Variants in SKAP2 observed in about 807,000 individuals in gnomAD.
The protein encoded by SKAP2 is src kinase associated phosphoprotein 2, also known as src kinase-associated phosphoprotein 2.
In SKAP2, 28 loss-of-function variants were observed where a neutral mutation model predicts 54.9. The ratio of observed to expected loss-of-function variants is 0.51; its 90% CI spans 0.38 to 0.70. The LOEUF (loss-of-function observed/expected upper bound fraction) is 0.70, where lower values mean the gene tolerates loss of function less well. Ranked by LOEUF, SKAP2 falls within the 30% of genes least tolerant of loss-of-function variation. SKAP2 has a pLI of 0.00. For synonymous variants in SKAP2, 137 were observed against 134.3 expected (o/e 1.02, Z -0.14); for missense variants, 356 against 424.1 (o/e 0.84, Z 1.41).
intron 4 of SKAP2, among the ~76,000 whole-genome samples, chr7:26,794,432 C>T (rs1315698831): frequency 6.6e-6 from 1 of 152,246 alleles, no homozygotes; most frequent in African/African-American, 2.4e-5. Context: ...CTATAAGGAA[C>T]ATCTGAGCCC....
intron 4 of SKAP2, among the ~76,000 whole-genome samples, chr7:26,788,212 C>T (rs1268265110): frequency 6.6e-6 from 1 of 152,096 alleles, no homozygotes; most frequent in African/African-American, 2.4e-5. Context: ...TTAATGAAAG[C>T]TGACTGCGAT....
intron 9 of SKAP2, among the ~76,000 whole-genome samples, chr7:26,706,630 A>G (rs767914987): frequency 3.0e-4 from 46 of 152,230 alleles, no homozygotes; most frequent in Admixed American, 3.9e-4. Flanking sequence ...CTCTCTCTTA[A>G]TAACAAGCAA....
At chr7:26,711,019 A>T (rs1400924689) in intron 9 of SKAP2, among the ~76,000 whole-genome samples, 1 of 152,196 alleles carries the variant, frequency 6.6e-6, no homozygotes, top group East Asian at 1.9e-4. Context: ...ATGCCCAATA[A>T]ATATAGAGAA....
the SKAP2 span, among the ~76,000 whole-genome samples, chr7:26,657,959 A>G: frequency 1.3e-5 from 2 of 152,234 alleles, no homozygotes; most frequent in African/African-American, 2.4e-5. Flanking sequence ...TGAACAATAT[A>G]TAAGAAGCTA....
At chr7:26,804,717 T>C (rs1033251110) in intron 4 of SKAP2, among the ~76,000 whole-genome samples, 12 of 143,314 alleles carry the variant, frequency 8.4e-5, no homozygotes, top group South Asian at 2.2e-4. Flanking sequence ...CCAGCCTGGG[T>C]GACAGAGTGA....
Position 26,864,445 on chromosome 7 carries a change from G to A in SKAP2, c.-16C>T. On this transcript the variant is annotated 5_prime_UTR_variant, in exon 1 of 13. Transcript: ENST00000345317. Reference sequence around the variant, plus strand: ...GGTTGGGCATGTTAGGGAGCGCAGGGCGTGCGGGGAAAGGACCTGCGCTGA... The same window carrying A: ...GGTTGGGCATGTTAGGGAGCGCAGGACGTGCGGGGAAAGGACCTGCGCTGA... The A allele has an allele frequency of 1.3e-6, 2 of 1,595,730 alleles. No individual in the cohort carries two copies. Among genetic ancestry groups the A allele is most frequent in the Non-Finnish European group, 1.7e-6 (2 of 1,170,824 alleles).
chr7:26,740,021 A>G (rs1028591079), intron 4 of SKAP2, 57 bp from the exon 5 acceptor site: 16 of 1,078,462 alleles, frequency 1.5e-5, no homozygotes, highest in Non-Finnish European at 2.1e-5. Flanking sequence ...TTCAGAATAA[A>G]CAAGTGCCAG....
intron 4 of SKAP2, among the ~76,000 whole-genome samples, chr7:26,741,888 T>A (rs1782463777): frequency 6.6e-6 from 1 of 151,970 alleles, no homozygotes; most frequent in African/African-American, 2.4e-5. Flanking sequence ...TCTTAAGAAA[T>A]AAAGCTTAAA....
At chr7:26,817,932 A>C (rs1252298868) in intron 4 of SKAP2, among the ~76,000 whole-genome samples, 1 of 152,196 alleles carries the variant, frequency 6.6e-6, no homozygotes, top group Non-Finnish European at 1.5e-5. Context: ...TCAAGGAAAT[A>C]AGAGAGAACA....
intron 4 of SKAP2, among the ~76,000 whole-genome samples, chr7:26,780,739 T>C (rs1045293439): frequency 2.0e-5 from 3 of 152,078 alleles, no homozygotes; most frequent in Non-Finnish European, 4.4e-5. Flanking sequence ...TTCCTCCATA[T>C]ATAAAACCAA....
intron 4 of SKAP2, among the ~76,000 whole-genome samples, chr7:26,794,627 C>A (rs1031305601): frequency 5.3e-5 from 8 of 152,200 alleles, no homozygotes; most frequent in Non-Finnish European, 1.0e-4. Flanking sequence ...TCTTGTCCAG[C>A]CTGCTGCCAC....
chr7:26,859,015 G>A (rs1221424217), intron 1 of SKAP2, among the ~76,000 whole-genome samples: 1 of 152,106 alleles, frequency 6.6e-6, no homozygotes, highest in Admixed American at 6.5e-5. Context: ...CTCAGCCTCT[G>A]TGATGGCCTG....
chr7:26,686,141 TTAATA>T (rs754052326), intron 10 of SKAP2, among the ~76,000 whole-genome samples: 26 of 152,142 alleles, frequency 1.7e-4, no homozygotes, highest in Non-Finnish European at 2.9e-4. Flanking sequence ...AAAATTCTCT[TTAATA>T]TAAGAAATAT....
At chr7:26,828,990 T>C (rs1316365147) in intron 4 of SKAP2, among the ~76,000 whole-genome samples, 1 of 147,620 alleles carries the variant, frequency 6.8e-6, no homozygotes, top group Non-Finnish European at 1.5e-5. Flanking sequence ...GATCGCGCCA[T>C]TGCACTCCAG....
intron 9 of SKAP2, among the ~76,000 whole-genome samples, chr7:26,700,294 A>C (rs936268797): frequency 2.0e-5 from 3 of 152,152 alleles, no homozygotes; most frequent in Non-Finnish European, 4.4e-5. Context: ...CCTGGAACTC[A>C]TACTGGGTTC....
intron 3 of SKAP2, among the ~76,000 whole-genome samples, chr7:26,853,044 CTTTA>C (rs1211562054): frequency 6.6e-6 from 1 of 151,962 alleles, no homozygotes; most frequent in South Asian, 2.1e-4. Flanking sequence ...CTGCTCATTT[CTTTA>C]TTTAAGTGTT....
chr7:26,681,474 A>G (rs998144231), intron 11 of SKAP2, among the ~76,000 whole-genome samples: 2 of 152,200 alleles, frequency 1.3e-5, no homozygotes, highest in African/African-American at 4.8e-5. Flanking sequence ...AAACAAAATT[A>G]AAACACTCTT....
the SKAP2 span, among the ~76,000 whole-genome samples, chr7:26,655,750 A>T: frequency 6.6e-6 from 1 of 152,230 alleles, no homozygotes; most frequent in South Asian, 2.1e-4. Flanking sequence ...TAAAACGTAG[A>T]GCATGGATAT....
chr7:26,773,157 T>C (rs1455091840), intron 4 of SKAP2, among the ~76,000 whole-genome samples: 1 of 152,244 alleles, frequency 6.6e-6, no homozygotes, highest in Non-Finnish European at 1.5e-5. Context: ...GGTCTACAAC[T>C]AGCAGCCACA....
Sources: gnomAD v4.1 joint callset for allele counts (sites outside exome capture counted in the v4.1 genomes callset) on GRCh38, gnomAD v4.1.1 for gene constraint, MANE v1.5 for transcripts, NCBI Gene and HGNC (gene_info 2026-07-23, HGNC 2026-07-21) for gene names.